RAB5B: variants seen among roughly 807,000 people sequenced by gnomAD.
RAB5B encodes RAB5B, member RAS oncogene family.
RAB5B carries 11 observed loss-of-function variants against 28.6 expected under a neutral mutation model. The observed-to-expected ratio is 0.38, with a 90% CI of 0.24 to 0.64. The LOEUF is 0.64. Ranked by LOEUF, RAB5B falls within the 30% of genes least tolerant of loss-of-function variation. RAB5B has a pLI of 0.53. For synonymous variants in RAB5B, 93 were observed against 97.9 expected (o/e 0.95, Z 0.29); for missense variants, 169 against 265.6 (o/e 0.64, Z 2.53).
Position 55,991,342 on chromosome 12 carries a change from A to G in RAB5B, c.439-18A>G, listed in dbSNP as rs1592808168. The stretch of plus-strand genomic sequence containing the variant: ...CCCACCCTACATTCTGAGCACTAAT[A>G]CATCCCACTCCTTGCAGGAGGCCCA... On this transcript the variant is annotated intron_variant, in intron 4 of 5. Transcript: ENST00000360299. 1.9e-6 allele frequency: 3 copies of G among 1,592,566 alleles called. No individual in the cohort carries two copies. The Admixed American group carries it at 5.0e-5, about 27-fold the overall frequency.
chr12:55,982,158 T>C (rs1889825120), intron 1 of RAB5B, among the ~76,000 whole-genome samples: 1 of 151,530 alleles, frequency 6.6e-6, no homozygotes, highest in African/African-American at 2.4e-5. Context: ...GCTAAAAAGG[T>C]TGAAAGGAAG....
Position 55,991,959 on chromosome 12 carries a change from C to G in RAB5B, c.533-138C>G, listed in dbSNP as rs1890137848. 6.2e-6 allele frequency: 4 copies of G among 646,684 alleles called. No individual in the cohort carries two copies. In the East Asian group the frequency reaches 1.1e-4, roughly 18 times the overall value. The allele number at this position is 646,684 out of a possible 1,614,324, so 40.1% of individuals were successfully genotyped here. ...AAAAAAAGTTTGCAAATAGTGAACC[C>G]TCCCATCTTCAGAACATTCTTTTAA... is the stretch of plus-strand genomic sequence containing the variant. On this transcript the variant is annotated intron_variant, in intron 5 of 5. Coordinates refer to ENST00000360299, the MANE Select transcript of RAB5B (RefSeq NM_002868.4).
rs1890065002 is a variant in RAB5B at position 55,990,097 on chromosome 12, A to G, written c.314A>G (p.Gln105Arg). Reference sequence around the variant, plus strand: ...ATCGTGGTTTACGACATTACTAATCAGGTAAGTGAGCTAAGAAGACTGTCC... The same window carrying G: ...ATCGTGGTTTACGACATTACTAATCGGGTAAGTGAGCTAAGAAGACTGTCC... ...AAIVVYDITN[Q>R]ETFARAKTWV... The change falls in exon 3 of 6, where the codon CAG becomes CGG. Residue 105 changes from glutamine (Q) to arginine (R), a missense_variant and splice_region_variant. Coordinates refer to ENST00000360299, the MANE Select transcript of RAB5B (RefSeq NM_002868.4). 3 of 1,612,568 alleles carry G rather than the reference A, an allele frequency of 1.9e-6. No homozygotes were observed. The highest frequency in any genetic ancestry group is 2.5e-6 in the Non-Finnish European group (3 of 1,179,074).
rs552953157 is a variant in RAB5B at position 55,990,077 on chromosome 12, G to C, written c.294G>C (p.Val98=). ...ACAGGGGTGCCCAAGCTGCAATCGTGGTTTACGACATTACTAATCAGGTAA... is the reference window on the plus strand; with the variant it reads ...ACAGGGGTGCCCAAGCTGCAATCGTCGTTTACGACATTACTAATCAGGTAA... ...MYYRGAQAAI[V]VYDITNQETF... is the part of the protein sequence containing the mutation. The change falls in exon 3 of 6, where the codon GTG becomes GTC. Residue 98 remains valine (V), a synonymous_variant. Transcript: ENST00000360299. 2.3e-5 allele frequency: 37 copies of C among 1,614,018 alleles called. No homozygotes were observed. In the South Asian group the frequency reaches 3.6e-4, roughly 16 times the overall value.
At chr12:55,982,421 G>A (rs989253281) in intron 1 of RAB5B, among the ~76,000 whole-genome samples, 1 of 152,016 alleles carries the variant, frequency 6.6e-6, no homozygotes, top group Non-Finnish European at 1.5e-5. Flanking sequence ...AAGCTTAGAG[G>A]TGGCTCAACA....
intron 2 of RAB5B, among the ~76,000 whole-genome samples, 186 bp downstream of exon 2, chr12:55,987,309 C>T (rs560251258): frequency 1.6e-4 from 25 of 151,926 alleles, no homozygotes; most frequent in African/African-American, 6.0e-4. Context: ...TACAGGTGCA[C>T]ACCGTGGCAC....
At chr12:55,990,917 C>CA in intron 4 of RAB5B, 113 bp downstream of exon 4, 1 of 1,337,882 alleles carries the variant, frequency 7.5e-7, no homozygotes, top group Non-Finnish European at 1.0e-6. Flanking sequence ...TGTCTCATTC[C>CA]CCAGTTCTAC....
chr12:55,975,668 C>G (rs1294853020), intron 1 of RAB5B, among the ~76,000 whole-genome samples: 1 of 151,972 alleles, frequency 6.6e-6, no homozygotes, highest in African/African-American at 2.4e-5. Flanking sequence ...ACCCTCCTCC[C>G]CACATATTTT....
intron 1 of RAB5B, among the ~76,000 whole-genome samples, chr12:55,985,216 T>C (rs886754638): frequency 6.6e-6 from 1 of 152,174 alleles, no homozygotes; most frequent in African/African-American, 2.4e-5. Context: ...CCTTTATTCC[T>C]CTGAATTGCC....
At position 55,991,416 on chromosome 12, in the gene RAB5B, G is replaced by A. The variant is rs1333012334; in HGVS notation, c.495G>A (p.Lys165=). 1.9e-6 allele frequency: 3 copies of A among 1,614,122 alleles called. No homozygotes were observed. The highest frequency in any genetic ancestry group is 2.5e-6 in the Non-Finnish European group (3 of 1,179,978). ...NSLLFMETSA[K]TAMNVNDLFL... Reference sequence around the variant, plus strand: ...TATTGTTCATGGAGACTTCAGCCAAGACAGCTATGAACGTGAATGATCTCT... The same window carrying A: ...TATTGTTCATGGAGACTTCAGCCAAAACAGCTATGAACGTGAATGATCTCT... The change falls in exon 5 of 6, where the codon AAG becomes AAA. Residue 165 remains lysine, a synonymous_variant. Coordinates refer to ENST00000360299, the MANE Select transcript of RAB5B (RefSeq NM_002868.4).
chr12:55,978,182 T>G (rs1889697018), intron 1 of RAB5B, among the ~76,000 whole-genome samples: 1 of 152,086 alleles, frequency 6.6e-6, no homozygotes, highest in Non-Finnish European at 1.5e-5. Flanking sequence ...AGGGAGAGAA[T>G]TGATTCTGAG....
intron 1 of RAB5B, among the ~76,000 whole-genome samples, chr12:55,978,365 G>T (rs1889703341): frequency 6.6e-6 from 1 of 152,124 alleles, no homozygotes; most frequent in Non-Finnish European, 1.5e-5. Flanking sequence ...AGCTGGGCGT[G>T]GTGGTGGGCG....
At chr12:55,988,706 T>C (rs1890024322) in intron 2 of RAB5B, among the ~76,000 whole-genome samples, 1 of 152,034 alleles carries the variant, frequency 6.6e-6, no homozygotes, top group Non-Finnish European at 1.5e-5. Flanking sequence ...TTTCACCGTG[T>C]TGGCCAGGCT....
At chr12:55,981,389 G>A (rs116498865) in intron 1 of RAB5B, among the ~76,000 whole-genome samples, 1,637 of 152,058 alleles carry the variant, frequency 0.011, 10 homozygotes, top group Middle Eastern at 0.037. Context: ...TATGTGTCTC[G>A]GTTTCCTCAC....
chr12:55,993,669 T>C lies in RAB5B; in HGVS notation c.*1457T>C, dbSNP rs138736571. ...TTTCTTTGTTCCTTTGTTAATATCT[T>C]GAATTTAGTCCCTCCATCCTTAATC... On this transcript the variant is annotated 3_prime_UTR_variant, in exon 6 of 6. Coordinates refer to ENST00000360299, the MANE Select transcript of RAB5B (RefSeq NM_002868.4). 441 of 152,796 alleles carry C rather than the reference T, an allele frequency of 2.9e-3. No individual in the cohort carries two copies. The highest frequency in any genetic ancestry group is 4.0e-3 in the Admixed American group (61 of 15,278). 9.5% of individuals were successfully genotyped at this position (152,796 alleles called of 1,614,324 possible).
chr12:55,986,139 A>C (rs1229146332), intron 1 of RAB5B, among the ~76,000 whole-genome samples: 3 of 152,118 alleles, frequency 2.0e-5, no homozygotes, highest in Non-Finnish European at 2.9e-5. Context: ...TCATTTTGAC[A>C]AAGAGCTAAG....
rs914537474 is a variant in RAB5B at position 55,996,130 on chromosome 12, C to T, written c.*3918C>T. ...CCAAAGCCAACTTGCCAACTTTTCA[C>T]TGTCGGTTCCCTTACCTTATATCTC... is the stretch of plus-strand genomic sequence containing the variant. On this transcript the variant is annotated 3_prime_UTR_variant, in exon 6 of 6. Transcript: ENST00000360299. 1 of 151,612 alleles carries T rather than the reference C, an allele frequency of 6.6e-6. No homozygotes were observed. The highest frequency in any genetic ancestry group is 2.4e-5 in the African/African-American group (1 of 41,174). The allele number at this position is 151,612 out of a possible 1,614,324, so 9.4% of individuals were successfully genotyped here.
chr12:55,974,335 A>C (rs953580549), intron 1 of RAB5B, among the ~76,000 whole-genome samples, 196 bp downstream of exon 1: 4 of 151,978 alleles, frequency 2.6e-5, no homozygotes, highest in Admixed American at 2.0e-4. Context: ...GGGACCCCGA[A>C]GTTGGTGAGT....
intron 1 of RAB5B, among the ~76,000 whole-genome samples, chr12:55,986,112 C>G (rs908353752): frequency 1.3e-5 from 2 of 152,116 alleles, no homozygotes; most frequent in African/African-American, 4.8e-5. Context: ...TTATCCCACA[C>G]CCCTAGAGTG....
Sources: gnomAD v4.1 joint callset for allele counts (sites outside exome capture counted in the v4.1 genomes callset) on GRCh38, gnomAD v4.1.1 for gene constraint, MANE v1.5 for transcripts, NCBI Gene and HGNC (gene_info 2026-07-23, HGNC 2026-07-21) for gene names.